The following LAMA3 variants were observed in gnomAD, a reference collection of about 807,000 sequenced individuals.
LAMA3 encodes the protein laminin subunit alpha-3.
In LAMA3, 281 loss-of-function variants were observed where a neutral mutation model predicts 402.0. That is an observed-to-expected ratio of 0.70 (90% confidence interval 0.63 to 0.77). The LOEUF is 0.77. LAMA3 is among the 30% of genes least tolerant of loss of function. LAMA3 has a pLI of 0.00. For synonymous variants in LAMA3, 1,431 were observed against 1,558.4 expected (o/e 0.92, Z 1.93); for missense variants, 3,840 against 4,215.5 (o/e 0.91, Z 2.47).
chr18:23,852,373 T>C (rs1272341117), intron 32 of LAMA3, among the ~76,000 whole-genome samples: 2 of 152,276 alleles, frequency 1.3e-5, no homozygotes, highest in African/African-American at 4.8e-5. Context: ...ATCTTCTTTT[T>C]GTTTTATGGC....
intron 2 of LAMA3, among the ~76,000 whole-genome samples, chr18:23,717,010 G>T (rs963223590): frequency 6.6e-5 from 10 of 152,072 alleles, no homozygotes; most frequent in African/African-American, 2.4e-4. Flanking sequence ...TCATTAAAAA[G>T]AACAGACTGA....
intron 12 of LAMA3, among the ~76,000 whole-genome samples, chr18:23,790,920 G>A (rs910953239): frequency 1.3e-5 from 2 of 149,148 alleles, no homozygotes; most frequent in Admixed American, 6.7e-5. Context: ...ACAGAGTCTC[G>A]CTCTGTCACC....
intron 12 of LAMA3, among the ~76,000 whole-genome samples, chr18:23,796,486 T>C (rs759526035): frequency 1.3e-5 from 2 of 152,158 alleles, no homozygotes; most frequent in Non-Finnish European, 1.5e-5. Context: ...CCTCAGCTCT[T>C]TGAGAAAACA....
intron 32 of LAMA3, among the ~76,000 whole-genome samples, chr18:23,856,561 A>G (rs2064083926): frequency 6.6e-6 from 1 of 152,122 alleles, no homozygotes; most frequent in South Asian, 2.1e-4. Flanking sequence ...AGGCACAGCC[A>G]TAGCCCACTG....
At chr18:23,770,136 T>C (rs1358452766) in intron 8 of LAMA3, among the ~76,000 whole-genome samples, 1 of 152,214 alleles carries the variant, frequency 6.6e-6, no homozygotes. Context: ...TAGACAATTC[T>C]ATGATCATAG....
chr18:23,779,585 T>C (rs2062394464), intron 11 of LAMA3, among the ~76,000 whole-genome samples: 1 of 150,724 alleles, frequency 6.6e-6, no homozygotes, highest in African/African-American at 2.4e-5. Context: ...GCAGAATACA[T>C]GGGCCAGAGG....
intron 12 of LAMA3, among the ~76,000 whole-genome samples, chr18:23,788,107 A>T (rs2062581540): frequency 6.6e-6 from 1 of 152,028 alleles, no homozygotes; most frequent in East Asian, 1.9e-4. Context: ...GGAAGAAATA[A>T]AGAGAACTAG....
chr18:23,853,458 A>G (rs2063992135), intron 32 of LAMA3, among the ~76,000 whole-genome samples: 1 of 152,048 alleles, frequency 6.6e-6, no homozygotes, highest in Admixed American at 6.6e-5. Context: ...TTTTTAGTAG[A>G]GATGGGGTTT....
chr18:23,880,604 C>T (rs768615410), intron 39 of LAMA3, among the ~76,000 whole-genome samples: 6 of 152,200 alleles, frequency 3.9e-5, no homozygotes, highest in Non-Finnish European at 5.9e-5. Flanking sequence ...CATGGCTGGG[C>T]GCGATGGCTC....
chr18:23,824,740 G>A (rs1390442845), intron 21 of LAMA3, among the ~76,000 whole-genome samples, 175 bp downstream of exon 21: 1 of 152,146 alleles, frequency 6.6e-6, no homozygotes, highest in Non-Finnish European at 1.5e-5. Flanking sequence ...ACCCTCAAAT[G>A]ACATAGGAAT....
chr18:23,842,316 A>G, intron 27 of LAMA3, 79 bp from the exon 28 acceptor site: 6 of 1,566,120 alleles, frequency 3.8e-6, no homozygotes, highest in Non-Finnish European at 4.4e-6. Flanking sequence ...TAACCTTTGA[A>G]TACTCTATGA....
intron 11 of LAMA3, among the ~76,000 whole-genome samples, 168 bp downstream of exon 11, chr18:23,777,787 A>T (rs1008244995): frequency 1.3e-4 from 19 of 151,780 alleles, no homozygotes; most frequent in Non-Finnish European, 2.1e-4. Flanking sequence ...ATCAGTCCCC[A>T]CTCCAGCCTG....
In LAMA3 at chr18:23,878,046, G is replaced by T. The variant is rs527710704; in HGVS notation, c.5112+1639G>T. Among the ~76,000 whole-genome samples the T allele has an allele frequency of 1.3e-4, 20 of 152,300 alleles. 1 individual carries two copies. The South Asian group carries it at 4.1e-3, about 32-fold the overall frequency. Reference sequence around the variant, plus strand: ...GAGAATGGCGTGAACCCAGGAGGCGGAGCTTGCAATGATGGCGCCACTGCA... The same window carrying T: ...GAGAATGGCGTGAACCCAGGAGGCGTAGCTTGCAATGATGGCGCCACTGCA... On this transcript the variant is annotated intron_variant, in intron 39 of 74. Coordinates refer to ENST00000313654, the MANE Select transcript of LAMA3 (RefSeq NM_198129.4).
intron 5 of LAMA3, among the ~76,000 whole-genome samples, chr18:23,752,730 G>C (rs551694916): frequency 6.6e-6 from 1 of 152,280 alleles, no homozygotes; most frequent in South Asian, 2.1e-4. Context: ...AGGAAGCATT[G>C]ATACTTTAAC....
At chr18:23,904,166 C>A in intron 50 of LAMA3, 79 bp downstream of exon 50, 2 of 1,555,708 alleles carry the variant, frequency 1.3e-6, no homozygotes, top group South Asian at 1.1e-5. Context: ...AAGGCCCTCC[C>A]CTGGGTTGGC....
At chr18:23,763,622 C>A (rs568375329) in intron 8 of LAMA3, 99 bp downstream of exon 8, 3 of 815,986 alleles carry the variant, frequency 3.7e-6, no homozygotes, top group Non-Finnish European at 6.6e-6. Flanking sequence ...GGCAGGCAAT[C>A]GTAAGAGTTT....
chr18:23,772,207 A>C (rs1052962500), intron 8 of LAMA3, among the ~76,000 whole-genome samples: 3 of 151,966 alleles, frequency 2.0e-5, no homozygotes, highest in Admixed American at 6.6e-5. Context: ...ATGCCCGGCT[A>C]ATTTTTATAT....
At chr18:23,764,567 CT>C (rs943034137) in intron 8 of LAMA3, among the ~76,000 whole-genome samples, 2 of 147,054 alleles carry the variant, frequency 1.4e-5, no homozygotes, top group South Asian at 2.2e-4. Flanking sequence ...TCAATGTAGT[CT>C]TTTTTTTCAT....
rs61752346 is a variant in LAMA3 at position 23,933,924 on chromosome 18, C to T, written c.8851C>T (p.Arg2951Cys). The change falls in exon 67 of 75, where the codon CGT (arginine) becomes TGT (cysteine). Residue 2951 changes from arginine to cysteine, a missense_variant. Coordinates refer to ENST00000313654, the MANE Select transcript of LAMA3 (RefSeq NM_198129.4). ...STRFNKTKTF[R>C]INQLLQDTPV... ...CAGGTTTAACAAGACCAAGACTTTT[C>T]GTATCAACCAGGTAAGTGTCCAAAC... 2.5e-3 allele frequency: 3,979 copies of T among 1,614,022 alleles called. 10 individuals are homozygous for T. Among genetic ancestry groups the T allele is most frequent in the Non-Finnish European group, 3.2e-3 (3,796 of 1,179,944 alleles).
Sources: gnomAD v4.1 joint callset for allele counts (sites outside exome capture counted in the v4.1 genomes callset) on GRCh38, gnomAD v4.1.1 for gene constraint, MANE v1.5 for transcripts, NCBI Gene and HGNC (gene_info 2026-07-23, HGNC 2026-07-21) for gene names.